The following CEP112 variants were observed in gnomAD, a reference collection of about 807,000 sequenced individuals.
The protein encoded by CEP112 is centrosomal protein 112, also known as centrosomal protein of 112 kDa.
Under a neutral mutation model 153.0 loss-of-function variants are expected in CEP112, and 127 were observed. The observed-to-expected ratio is 0.83, with a 90% CI of 0.72 to 0.96. CEP112 has a LOEUF of 0.96. Among genes scored for constraint, CEP112 ranks in the 40% least tolerant of loss-of-function variants. The probability of loss-of-function intolerance (pLI) is 0.00; values close to 1 mark genes in which losing one functional copy is unlikely to be tolerated. For missense variants in CEP112, 1,089 were observed against 1,101.2 expected (o/e 0.99, Z 0.16); for synonymous variants, 358 against 374.4 (o/e 0.96, Z 0.51).
intron 4 of CEP112, among the ~76,000 whole-genome samples, chr17:66,135,838 T>TATATAGATATAG (rs3031740): frequency 4.3e-4 from 66 of 151,754 alleles, no homozygotes; most frequent in African/African-American, 1.2e-3. Flanking sequence ...AATGATACTA[T>TATATAGATATAG]ATATAGATAT....
intron 6 of CEP112, among the ~76,000 whole-genome samples, chr17:66,116,098 C>G (rs1318175096): frequency 6.6e-6 from 1 of 152,166 alleles, no homozygotes; most frequent in Non-Finnish European, 1.5e-5. Flanking sequence ...TTTGACCCAG[C>G]TACAAGACAA....
rs28411895 is a variant in CEP112, at chr17:65,831,224, G to A, written c.2394+20580C>T. 3.1e-3 allele frequency among the ~76,000 whole-genome samples: 479 copies of A among 152,294 alleles called. 3 individuals are homozygous for A. Among genetic ancestry groups the A allele is most frequent in the African/African-American group, 0.011 (454 of 41,572 alleles). On this transcript the variant is annotated intron_variant, in intron 21 of 26. Transcript: ENST00000535342. ...ATAGACTCAGAAGAGCTGACAAACT[G>A]TGAAATATCAGAGAATTCAGAATAA... is the stretch of plus-strand genomic sequence containing the variant.
At chr17:66,013,728 G>A (rs1371770495) in intron 16 of CEP112, among the ~76,000 whole-genome samples, 1 of 152,236 alleles carries the variant, frequency 6.6e-6, no homozygotes, top group Non-Finnish European at 1.5e-5. Flanking sequence ...AGCAGTGGTA[G>A]TACACCAGGG....
intron 21 of CEP112, among the ~76,000 whole-genome samples, chr17:65,824,594 A>G (rs74505530): frequency 0.026 from 4,024 of 152,304 alleles, 82 homozygotes; most frequent in South Asian, 0.055. Flanking sequence ...ACTGCTTCTG[A>G]GTTGGTGTGG....
chr17:66,114,271 TTTTG>T (rs1220261314), intron 6 of CEP112, among the ~76,000 whole-genome samples: 2 of 152,222 alleles, frequency 1.3e-5, no homozygotes, highest in Non-Finnish European at 2.9e-5. Flanking sequence ...TGACTTTTTA[TTTTG>T]TTTATTTTTT....
chr17:65,811,520 G>A (rs2055954374), intron 21 of CEP112, among the ~76,000 whole-genome samples: 2 of 152,148 alleles, frequency 1.3e-5, no homozygotes, highest in Admixed American at 6.5e-5. Flanking sequence ...CCCCTGAACA[G>A]GTGGCTGAGG....
intron 23 of CEP112, among the ~76,000 whole-genome samples, chr17:65,693,463 A>G (rs1360264390): frequency 6.6e-6 from 1 of 151,868 alleles, no homozygotes; most frequent in African/African-American, 2.4e-5. Flanking sequence ...ATTAAAAAAA[A>G]AAAAGAGGAT....
intron 23 of CEP112, among the ~76,000 whole-genome samples, chr17:65,737,216 G>T (rs1488934088): frequency 1.3e-5 from 2 of 152,128 alleles, no homozygotes; most frequent in Non-Finnish European, 2.9e-5. Context: ...AACAATATCG[G>T]GTGGTAAGGT....
Position 65,750,734 on chromosome 17 carries a change from A to C in CEP112, c.2395-10T>G. The C allele has an allele frequency of 6.2e-7, 1 of 1,613,300 alleles. No individual in the cohort carries two copies. The highest frequency in any genetic ancestry group is 2.2e-5 in the East Asian group (1 of 44,864). On this transcript the variant is annotated splice_polypyrimidine_tract_variant and intron_variant, in intron 21 of 26. Transcript: ENST00000535342. ...TCAGCTTGCTGTTGGCCTGAAAAACACATGTACATGAACACATACACAGTG... is the reference window on the plus strand; with the variant it reads ...TCAGCTTGCTGTTGGCCTGAAAAACCCATGTACATGAACACATACACAGTG...
At chr17:65,747,516 G>A (rs1218626500) in intron 22 of CEP112, among the ~76,000 whole-genome samples, 1 of 152,190 alleles carries the variant, frequency 6.6e-6, no homozygotes, top group Non-Finnish European at 1.5e-5. Flanking sequence ...AGGTGACTAG[G>A]CTGAGTGGGG....
At chr17:65,748,825 C>A (rs1414815648) in intron 22 of CEP112, among the ~76,000 whole-genome samples, 1 of 152,172 alleles carries the variant, frequency 6.6e-6, no homozygotes, top group Admixed American at 6.5e-5. Flanking sequence ...GTTTTAACAT[C>A]AACTAATCAG....
chr17:65,987,455 T>TA (rs1017230812), intron 17 of CEP112, among the ~76,000 whole-genome samples: 7 of 151,848 alleles, frequency 4.6e-5, no homozygotes, highest in African/African-American at 1.5e-4. Context: ...AAATAAATGC[T>TA]AAAAAAAGGA....
intron 6 of CEP112, among the ~76,000 whole-genome samples, chr17:66,121,495 C>A (rs916721513): frequency 4.6e-5 from 7 of 152,222 alleles, no homozygotes; most frequent in Non-Finnish European, 1.0e-4. Flanking sequence ...TATGTTGGTG[C>A]ACTTATGGTA....
At chr17:66,108,822 G>A (rs1201931372) in intron 6 of CEP112, among the ~76,000 whole-genome samples, 1 of 152,154 alleles carries the variant, frequency 6.6e-6, no homozygotes, top group African/African-American at 2.4e-5. Context: ...GCCCATCTTT[G>A]TTGTAGCACT....
intron 20 of CEP112, among the ~76,000 whole-genome samples, chr17:65,853,726 T>TAAAA (rs5821571): frequency 7.0e-6 from 1 of 142,874 alleles, no homozygotes; most frequent in Non-Finnish European, 1.5e-5. Context: ...AGACTCCATC[T>TAAAA]AAAAAAAAAA....
At chr17:65,901,746 A>C (rs1185697647) in intron 20 of CEP112, among the ~76,000 whole-genome samples, 1 of 152,076 alleles carries the variant, frequency 6.6e-6, no homozygotes, top group Non-Finnish European at 1.5e-5. Context: ...GCAAATATTA[A>C]AACAGCTGCT....
At chr17:65,701,898 G>GTTTTTTTTTT (rs869242758) in intron 23 of CEP112, among the ~76,000 whole-genome samples, 4 of 116,054 alleles carry the variant, frequency 3.4e-5, no homozygotes, top group Admixed American at 8.8e-5. Flanking sequence ...TTTTTTTTTT[G>GTTTTTTTTTT]TTTTTTTTTT....
intron 16 of CEP112, among the ~76,000 whole-genome samples, chr17:66,006,218 C>T (rs1471382712): frequency 6.6e-6 from 1 of 152,020 alleles, no homozygotes; most frequent in Non-Finnish European, 1.5e-5. Flanking sequence ...AGGAAACTGC[C>T]ACCCCTCCCC....
At chr17:65,780,570 C>T (rs1211995822) in intron 21 of CEP112, among the ~76,000 whole-genome samples, 1 of 151,954 alleles carries the variant, frequency 6.6e-6, no homozygotes, top group Non-Finnish European at 1.5e-5. Flanking sequence ...TAATATTTTT[C>T]TAAGTCTTTG....
Sources: allele counts gnomAD v4.1 joint callset (sites outside exome capture counted in the v4.1 genomes callset), GRCh38; gene constraint gnomAD v4.1.1; transcripts MANE v1.5; gene names NCBI Gene and HGNC (gene_info 2026-07-23, HGNC 2026-07-21).